Variants in ASAP1 observed in about 807,000 individuals in gnomAD.
ASAP1 encodes the protein arf-GAP with SH3 domain, ANK repeat and PH domain-containing protein 1.
In ASAP1, 43 loss-of-function variants were observed where a neutral mutation model predicts 145.2. That is an observed-to-expected ratio of 0.30 (90% confidence interval 0.23 to 0.38). The LOEUF (loss-of-function observed/expected upper bound fraction) is 0.38, where lower values mean the gene tolerates loss of function less well. Ranked by LOEUF, ASAP1 falls within the 10% of genes least tolerant of loss-of-function variation. The pLI, the probability that ASAP1 is intolerant of heterozygous loss-of-function variation, is 1.00. For synonymous variants in ASAP1, 546 were observed against 515.5 expected (o/e 1.06, Z -0.80); for missense variants, 1,018 against 1,355.3 (o/e 0.75, Z 3.91).
At chr8:130,106,931 C>G (rs996209918) in intron 24 of ASAP1, among the ~76,000 whole-genome samples, 5 of 152,196 alleles carry the variant, frequency 3.3e-5, no homozygotes, top group African/African-American at 1.2e-4. Flanking sequence ...CTTTACATTT[C>G]CAGTGCCCAG....
At chr8:130,076,225 A>G in intron 27 of ASAP1, 123 bp downstream of exon 27, 1 of 610,490 alleles carries the variant, frequency 1.6e-6, no homozygotes, top group Middle Eastern at 2.8e-4. Flanking sequence ...CATCCACTAC[A>G]TGCCAGGTGC....
intron 18 of ASAP1, among the ~76,000 whole-genome samples, chr8:130,121,662 T>C (rs2097566121): frequency 6.6e-6 from 1 of 151,790 alleles, no homozygotes; most frequent in Non-Finnish European, 1.5e-5. Flanking sequence ...CGCATGCCTG[T>C]AATCCCAGCT....
intron 20 of ASAP1, 77 bp downstream of exon 20, chr8:130,118,084 A>T: frequency 8.0e-7 from 1 of 1,246,140 alleles, no homozygotes. Context: ...TTCCCGATCT[A>T]GGCCACTGAT....
chr8:130,121,268 C>T (rs1283028623), intron 18 of ASAP1, among the ~76,000 whole-genome samples: 4 of 152,222 alleles, frequency 2.6e-5, no homozygotes, highest in Admixed American at 6.5e-5. Context: ...GTCCTTCACA[C>T]GTCAGCTACA....
intron 15 of ASAP1, among the ~76,000 whole-genome samples, chr8:130,129,962 G>GT (rs1224787220): frequency 1.3e-5 from 2 of 152,158 alleles, no homozygotes; most frequent in African/African-American, 4.8e-5. Context: ...AACAAATCAA[G>GT]AACCTGGGTT....
At chr8:130,381,128 C>T (rs1405403079) in intron 2 of ASAP1, among the ~76,000 whole-genome samples, 1 of 152,136 alleles carries the variant, frequency 6.6e-6, no homozygotes, top group Non-Finnish European at 1.5e-5. Flanking sequence ...TCAAGTGATC[C>T]ACCTGCCTCA....
At chr8:130,396,025 A>G (rs1399960560) in intron 2 of ASAP1, among the ~76,000 whole-genome samples, 1 of 152,160 alleles carries the variant, frequency 6.6e-6, no homozygotes, top group Non-Finnish European at 1.5e-5. Flanking sequence ...GCCCTAGGAA[A>G]CTAATGGAAC....
intron 1 of ASAP1, among the ~76,000 whole-genome samples, chr8:130,426,720 CT>C (rs1829933366): frequency 1.3e-5 from 2 of 152,348 alleles, no homozygotes; most frequent in South Asian, 2.1e-4. Context: ...CCCTCAGCTC[CT>C]TTGGGTCTTT....
intron 9 of ASAP1, among the ~76,000 whole-genome samples, chr8:130,176,289 C>T (rs562682483): frequency 6.6e-6 from 1 of 152,118 alleles, no homozygotes; most frequent in South Asian, 2.1e-4. Flanking sequence ...CAAAACAAAA[C>T]AAAAAACACC....
chr8:130,167,723 T>C, intron 10 of ASAP1, 101 bp from the exon 11 acceptor site: 1 of 856,176 alleles, frequency 1.2e-6, no homozygotes, highest in East Asian at 2.5e-5. Context: ...ATTATATATT[T>C]GGTTTTCTTA....
In ASAP1 at chr8:130,117,756, C is replaced by T. The variant is rs148264190; in HGVS notation, c.1880+405G>A. Among the ~76,000 whole-genome samples, 1,415 of 152,314 alleles carry T rather than the reference C, an allele frequency of 9.3e-3. 8 individuals are homozygous for T. The highest frequency in any genetic ancestry group is 0.014 in the South Asian group (70 of 4,828). ...GTTGACCTGTGCTGTTAAGTCTTCT[C>T]TCTTTTAACCTCTCCTAACGGTTAG... On this transcript the variant is annotated intron_variant, in intron 20 of 29. Coordinates refer to ENST00000518721, the MANE Select transcript of ASAP1 (RefSeq NM_018482.4).
intron 11 of ASAP1, among the ~76,000 whole-genome samples, chr8:130,161,029 A>G (rs756137896): frequency 5.3e-5 from 8 of 152,242 alleles, no homozygotes; most frequent in Non-Finnish European, 1.2e-4. Context: ...ATATGGCGTG[A>G]GAACAGAAAC....
intron 1 of ASAP1, among the ~76,000 whole-genome samples, chr8:130,434,451 T>A (rs1334383218): frequency 1.3e-5 from 2 of 152,232 alleles, no homozygotes; most frequent in East Asian, 1.9e-4. Flanking sequence ...TAGCGCCTAT[T>A]TCATAGGGTT....
intron 2 of ASAP1, among the ~76,000 whole-genome samples, chr8:130,377,067 A>C (rs947756803): frequency 2.6e-5 from 4 of 152,144 alleles, no homozygotes; most frequent in African/African-American, 9.7e-5. Flanking sequence ...CAAACCTCAC[A>C]AATAGCATGG....
intron 24 of ASAP1, among the ~76,000 whole-genome samples, chr8:130,098,078 T>C (rs529376774): frequency 4.6e-5 from 7 of 152,344 alleles, no homozygotes; most frequent in East Asian, 1.9e-4. Context: ...ACACAGTATT[T>C]AAAATTTATC....
chr8:130,244,612 G>A (rs1488010631), intron 3 of ASAP1, among the ~76,000 whole-genome samples: 2 of 152,280 alleles, frequency 1.3e-5, no homozygotes, highest in East Asian at 1.9e-4. Context: ...CAATGGCTAG[G>A]GGTTAGGCTA....
intron 24 of ASAP1, among the ~76,000 whole-genome samples, chr8:130,111,165 G>C (rs1273695619): frequency 8.2e-6 from 1 of 122,410 alleles, no homozygotes; most frequent in Non-Finnish European, 1.6e-5. Flanking sequence ...TTGAGTACAG[G>C]AATTCAAGAC....
At chr8:130,422,028 G>C (rs915666862) in intron 1 of ASAP1, among the ~76,000 whole-genome samples, 3 of 152,248 alleles carry the variant, frequency 2.0e-5, no homozygotes, top group African/African-American at 7.2e-5. Flanking sequence ...GTACAAGGTA[G>C]AGGGGGTGGG....
chr8:130,167,754 C>A, intron 10 of ASAP1, 132 bp from the exon 11 acceptor site: 1 of 629,914 alleles, frequency 1.6e-6, no homozygotes, highest in Non-Finnish European at 2.8e-6. Flanking sequence ...TTTATACTGT[C>A]TCATTTTTGA....
Sources: gnomAD v4.1 joint callset for allele counts (sites outside exome capture counted in the v4.1 genomes callset) on GRCh38, gnomAD v4.1.1 for gene constraint, MANE v1.5 for transcripts, NCBI Gene and HGNC (gene_info 2026-07-23, HGNC 2026-07-21) for gene names.